Variants in PIWIL4 observed in about 807,000 individuals in gnomAD.
PIWIL4 encodes piwi like RNA-mediated gene silencing 4, also known as piwi-like protein 4.
A neutral mutation model predicts 100.9 loss-of-function variants in PIWIL4; 50 were observed. The ratio of observed to expected loss-of-function variants is 0.50; its 90% CI spans 0.39 to 0.63. The LOEUF is 0.63. PIWIL4 is among the 20% of genes least tolerant of loss of function. The probability of loss-of-function intolerance (pLI) is 0.00; values close to 1 mark genes in which losing one functional copy is unlikely to be tolerated. For synonymous variants in PIWIL4, 342 were observed against 367.5 expected, an observed-to-expected ratio of 0.93 and a Z score of 0.79; for missense variants, 887 against 1,043.3, an observed-to-expected ratio of 0.85 and a Z score of 2.06.
intron 10 of PIWIL4, among the ~76,000 whole-genome samples, chr11:94,597,084 A>G (rs1948567904): frequency 6.6e-6 from 1 of 152,240 alleles, no homozygotes. Context: ...GAGCTAAAAC[A>G]TCAACTATGA....
At chr11:94,598,313 C>T (rs1393907426) in intron 11 of PIWIL4, among the ~76,000 whole-genome samples, 1 of 152,162 alleles carries the variant, frequency 6.6e-6, no homozygotes, top group Non-Finnish European at 1.5e-5. Flanking sequence ...CTGCAATGAG[C>T]TTTTGCAATG....
intron 1 of PIWIL4, among the ~76,000 whole-genome samples, chr11:94,568,177 C>T (rs1020788377): frequency 1.3e-5 from 2 of 151,854 alleles, no homozygotes; most frequent in Non-Finnish European, 1.5e-5. Flanking sequence ...GTCCTTATGC[C>T]TTTATTCTCA....
At chr11:94,614,857 G>C (rs1490521408) in intron 15 of PIWIL4, among the ~76,000 whole-genome samples, 2 of 152,158 alleles carry the variant, frequency 1.3e-5, no homozygotes, top group African/African-American at 4.8e-5. Context: ...AGCCAGGCCA[G>C]CTGTCAAGAG....
chr11:94,609,183 A>T (rs1393878902), intron 15 of PIWIL4, among the ~76,000 whole-genome samples: 1 of 152,212 alleles, frequency 6.6e-6, no homozygotes, highest in Admixed American at 6.5e-5. Flanking sequence ...ATTTATGGGA[A>T]TTATCTAAAA....
chr11:94,598,853 G>A (rs1027631772), intron 11 of PIWIL4, among the ~76,000 whole-genome samples: 2 of 151,624 alleles, frequency 1.3e-5, no homozygotes, highest in African/African-American at 2.4e-5. Flanking sequence ...GACTATAGGC[G>A]TGCGCCACCA....
At position 94,577,425 on chromosome 11, in the gene PIWIL4, A is replaced by G; in HGVS notation, c.446A>G (p.Glu149Gly). The G allele has an allele frequency of 6.8e-6, 11 of 1,614,096 alleles. No homozygotes were observed. Among genetic ancestry groups the G allele is most frequent in the Non-Finnish European group, 9.3e-6 (11 of 1,180,002 alleles). Reference sequence around the variant, plus strand: ...ATTGCTTTACTTTATAGTCATAGTGAACTTTCCAACAAAGCAAAAGCATTC... The same window carrying G: ...ATTGCTTTACTTTATAGTCATAGTGGACTTTCCAACAAAGCAAAAGCATTC... Reference protein sequence around the residue: ...LRIALLYSHSELSNKAKAFDG... With the variant: ...LRIALLYSHSGLSNKAKAFDG... Residue 149 changes from glutamate (E) to glycine (G), a missense_variant, in exon 4 of 20, where the codon GAA becomes GGA. By Grantham distance (98) the Glu-to-Gly change is moderately conservative. Coordinates refer to ENST00000299001, the MANE Select transcript of PIWIL4 (RefSeq NM_152431.3).
chr11:94,586,838 T>G (rs974875602), intron 6 of PIWIL4, among the ~76,000 whole-genome samples: 3 of 152,142 alleles, frequency 2.0e-5, no homozygotes, highest in Admixed American at 2.0e-4. Flanking sequence ...AGAAACTGCT[T>G]TACAGTAAGG....
intron 15 of PIWIL4, 61 bp from the exon 16 acceptor site, chr11:94,616,432 G>A: frequency 1.5e-6 from 2 of 1,306,882 alleles, no homozygotes; most frequent in Non-Finnish European, 2.1e-6. Flanking sequence ...TAATATTAAT[G>A]AATATTTATG....
chr11:94,615,367 C>G (rs1416112248), intron 15 of PIWIL4, among the ~76,000 whole-genome samples: 4 of 152,150 alleles, frequency 2.6e-5, no homozygotes. Context: ...AGGGGAGGAG[C>G]AATGCAGGTA....
Position 94,607,505 on chromosome 11 carries a change from G to A in PIWIL4, c.1705G>A (p.Asp569Asn). 6.2e-7 allele frequency: 1 copy of A among 1,613,918 alleles called. No homozygotes were observed. The change falls in exon 14 of 20, where the codon GAC (aspartate) becomes AAC (asparagine). Residue 569 changes from aspartate (D) to asparagine (N), a missense_variant. Coordinates refer to ENST00000299001, the MANE Select transcript of PIWIL4 (RefSeq NM_152431.3). ...TTCCATTAAAAAATATTTGAGCTCA[G>A]ACTGCCCAGTCCCAAGCCAATGTGT... Reference protein sequence around the residue: ...YDSIKKYLSSDCPVPSQCVLA... With the variant: ...YDSIKKYLSSNCPVPSQCVLA...
chr11:94,587,162 A>G lies in PIWIL4; in HGVS notation c.829A>G (p.Met277Val), dbSNP rs1252971325. 2 of 1,614,176 alleles carry G rather than the reference A, an allele frequency of 1.2e-6. No individual in the cohort carries two copies. The highest frequency in any genetic ancestry group is 1.7e-5 in the Admixed American group (1 of 60,012). ...VLRNETVLEF[M>V]TALCQRTGLS... ...CCGGAATGAGACGGTTCTGGAATTC[A>G]TGACTGCTCTCTGTCAAAGAACTGG... Residue 277 changes from methionine (M) to valine (V), a missense_variant, in exon 7 of 20, where the codon ATG (methionine) becomes GTG (valine). Around this residue, in one of 2 missense-constraint regions of PIWIL4, gnomAD observed 741 missense variants for 930.0 expected, o/e 0.80. Coordinates refer to ENST00000299001, the MANE Select transcript of PIWIL4 (RefSeq NM_152431.3).
rs1207214536 is a variant in PIWIL4, at chr11:94,574,989, C to T, written c.167-10C>T. On this transcript the variant is annotated splice_polypyrimidine_tract_variant and intron_variant, in intron 2 of 19. Transcript: ENST00000299001. ...ATATTAGCTGTTACCACATTCTCTT[C>T]ATGTTTTAGATAAATATGGGATATC... is the stretch of plus-strand genomic sequence containing the variant. The T allele has an allele frequency of 2.5e-6, 4 of 1,610,372 alleles. No homozygotes were observed. In the African/African-American group the frequency reaches 4.0e-5, roughly 16 times the overall value.
At chr11:94,571,645 A>G (rs1948156935) in intron 2 of PIWIL4, among the ~76,000 whole-genome samples, 1 of 152,226 alleles carries the variant, frequency 6.6e-6, no homozygotes, top group African/African-American at 2.4e-5. Context: ...ATAGTATTCT[A>G]TGGTGTATAT....
chr11:94,587,332 C>G (rs1350361544), intron 7 of PIWIL4, 85 bp downstream of exon 7: 1 of 1,326,810 alleles, frequency 7.5e-7, no homozygotes, highest in Admixed American at 2.1e-5. Context: ...GGAGTATTGG[C>G]CCAATATCAC....
intron 7 of PIWIL4, among the ~76,000 whole-genome samples, chr11:94,588,900 T>C (rs982168969): frequency 6.6e-6 from 1 of 152,226 alleles, no homozygotes; most frequent in Non-Finnish European, 1.5e-5. Context: ...ACAGGTTTTG[T>C]TGGAATGTGG....
chr11:94,592,291 T>A (rs1408342957), intron 8 of PIWIL4, among the ~76,000 whole-genome samples: 1 of 152,222 alleles, frequency 6.6e-6, no homozygotes, highest in Non-Finnish European at 1.5e-5. Context: ...ACAATAATAG[T>A]ATCTCTTTCA....
rs529487401 is a variant in PIWIL4, at chr11:94,604,613, T to A, written c.1638+557T>A. On this transcript the variant is annotated intron_variant, in intron 13 of 19. Transcript: ENST00000299001. Reference sequence around the variant, plus strand: ...GGGGCCAAGGCATGATTACATCACATCCCAACATTCCAGAAAAATTAGAAT... The same window carrying A: ...GGGGCCAAGGCATGATTACATCACAACCCAACATTCCAGAAAAATTAGAAT... 3.3e-4 allele frequency among the ~76,000 whole-genome samples: 51 copies of A among 152,302 alleles called. No homozygotes were observed. In the South Asian group the frequency reaches 0.01, roughly 31 times the overall value.
intron 2 of PIWIL4, among the ~76,000 whole-genome samples, chr11:94,570,944 T>C (rs972101760): frequency 6.6e-6 from 1 of 152,014 alleles, no homozygotes; most frequent in Non-Finnish European, 1.5e-5. Context: ...GTCATCTCTT[T>C]TGTTCTGACC....
At position 94,587,260 on chromosome 11, in the gene PIWIL4, G is replaced by A. The variant is rs372968312; in HGVS notation, c.914+13G>A. The A allele has an allele frequency of 4.2e-5, 67 of 1,601,972 alleles. No individual in the cohort carries two copies. Among genetic ancestry groups the A allele is most frequent in the Middle Eastern group, 1.7e-4 (1 of 6,012 alleles). On this transcript the variant is annotated intron_variant, in intron 7 of 19. Coordinates refer to ENST00000299001, the MANE Select transcript of PIWIL4 (RefSeq NM_152431.3). ...TTGTCCTTACAAGGTACAAGCCTGC[G>A]TCTAAATAAACTTTTCTTCAGAAAT...
Sources: allele counts gnomAD v4.1 joint callset (sites outside exome capture counted in the v4.1 genomes callset), GRCh38; gene constraint gnomAD v4.1.1; regional missense constraint gnomAD v4.1.1; transcripts MANE v1.5; gene names NCBI Gene and HGNC (gene_info 2026-07-23, HGNC 2026-07-21).